Variants in CPS1 observed in about 807,000 individuals in gnomAD.
The protein encoded by CPS1 is carbamoyl-phosphate synthase 1.
CPS1 carries 109 observed loss-of-function variants against 174.6 expected under a neutral mutation model. The ratio of observed to expected loss-of-function variants is 0.62; its 90% CI spans 0.53 to 0.73. CPS1 has a LOEUF of 0.73. CPS1 is among the 30% of genes least tolerant of loss of function. The pLI is 0.00. For synonymous variants in CPS1, 637 were observed against 632.0 expected, an observed-to-expected ratio of 1.01 and a Z score of -0.12; for missense variants, 1,689 against 1,821.9, an observed-to-expected ratio of 0.93 and a Z score of 1.33.
chr2:210,648,568 A>T, intron 27 of CPS1, 28 bp downstream of exon 27: 2 of 1,579,476 alleles, frequency 1.3e-6, no homozygotes, highest in Non-Finnish European at 1.7e-6. Context: ...TTTCCAAAAC[A>T]ATGATTCAAA....
intron 6 of CPS1, among the ~76,000 whole-genome samples, chr2:210,584,182 C>G (rs188111887): frequency 2.1e-4 from 32 of 152,228 alleles, no homozygotes; most frequent in Non-Finnish European, 1.9e-4. Context: ...TAGAGCTTCT[C>G]TTTCCTAGGA....
intron 1 of CPS1, among the ~76,000 whole-genome samples, chr2:210,538,512 A>G (rs1696317921): frequency 1.3e-5 from 2 of 152,038 alleles, no homozygotes; most frequent in African/African-American, 4.8e-5. Flanking sequence ...TCTTTTTTAA[A>G]TAGAAATTAT....
At chr2:210,548,365 C>T (rs1696619061) in intron 1 of CPS1, among the ~76,000 whole-genome samples, 1 of 151,940 alleles carries the variant, frequency 6.6e-6, no homozygotes, top group South Asian at 2.1e-4. Context: ...TTTTAGTTTA[C>T]AAGATGTTCA....
intron 14 of CPS1, among the ~76,000 whole-genome samples, 169 bp downstream of exon 14, chr2:210,599,730 C>T (rs1248704907): frequency 6.6e-6 from 1 of 151,932 alleles, no homozygotes. Context: ...ATGATGAATA[C>T]TACTAGTTAA....
intron 11 of CPS1, chr2:210,593,286 C>T (rs1204539929): frequency 2.0e-6 from 2 of 1,008,440 alleles, no homozygotes; most frequent in Non-Finnish European, 2.5e-6. Flanking sequence ...CTCTCGTTCT[C>T]ATGACTGAAA....
intron 1 of CPS1, among the ~76,000 whole-genome samples, chr2:210,510,468 GCAAGGGC>G (rs1695432326): frequency 6.6e-6 from 1 of 152,106 alleles, no homozygotes; most frequent in Non-Finnish European, 1.5e-5. Flanking sequence ...ATAGGCATGG[GCAAGGGC>G]AAGGACTTCA....
chr2:210,554,153 A>G (rs950483825), upstream of CPS1, among the ~76,000 whole-genome samples: 2 of 136,712 alleles, frequency 1.5e-5, no homozygotes, highest in Admixed American at 7.7e-5. Context: ...ATGTATATAT[A>G]CACACACATA....
chr2:210,592,492 T>C (rs528099804), intron 10 of CPS1, among the ~76,000 whole-genome samples: 1 of 152,142 alleles, frequency 6.6e-6, no homozygotes, highest in Non-Finnish European at 1.5e-5. Flanking sequence ...TGGGACTTAC[T>C]TGGCACTGGT....
intron 1 of CPS1, among the ~76,000 whole-genome samples, chr2:210,518,416 C>G (rs186463238): frequency 6.6e-6 from 1 of 151,962 alleles, no homozygotes; most frequent in Non-Finnish European, 1.5e-5. Flanking sequence ...CCCAACCATT[C>G]TTGTAGATAG....
chr2:210,559,129 T>G (rs995220576), intron 1 of CPS1, among the ~76,000 whole-genome samples: 6 of 152,076 alleles, frequency 3.9e-5, no homozygotes, highest in Non-Finnish European at 1.5e-5. Flanking sequence ...TATATCCAAA[T>G]TTACTATTTT....
intron 1 of CPS1, among the ~76,000 whole-genome samples, chr2:210,512,819 G>T (rs111155984): frequency 0.016 from 1,715 of 104,762 alleles, 217 homozygotes; most frequent in African/African-American, 0.049. Flanking sequence ...GAGAGAGAGA[G>T]ATATATATAT....
chr2:210,642,859 C>T (rs1337791888), intron 25 of CPS1, among the ~76,000 whole-genome samples, 194 bp downstream of exon 25: 1 of 152,116 alleles, frequency 6.6e-6, no homozygotes, highest in Non-Finnish European at 1.5e-5. Flanking sequence ...TTTTGAGCCC[C>T]TGGCCCAGAG....
Position 210,573,687 on chromosome 2 carries a change from G to T in CPS1, c.236+280G>T, listed in dbSNP as rs1192424438. Among the ~76,000 whole-genome samples the T allele has an allele frequency of 3.3e-5, 5 of 152,136 alleles. No individual in the cohort carries two copies. The East Asian group carries it at 7.7e-4, about 24-fold the overall frequency. ...AGAAACTTAGGTTGTGAGGACACAG[G>T]TTATGTGAGATTACCAAATGGTTTC... On this transcript the variant is annotated intron_variant, in intron 2 of 37. Coordinates refer to ENST00000233072, the MANE Select transcript of CPS1 (RefSeq NM_001875.5).
rs182152897 is a variant in CPS1 at position 210,524,077 on chromosome 2, G to A, written c.4-32642G>A. On this transcript the variant is annotated intron_variant, in intron 1 of 38. Coordinates refer to the CPS1 transcript ENST00000430249. ...CACCTACCAGAACAGCTGTCAGAAC[G>A]CAGGCACTCAATGAACATAACTTCC... Among the ~76,000 whole-genome samples, 27 of 152,048 alleles carry A rather than the reference G, an allele frequency of 1.8e-4. No homozygotes were observed. In the East Asian group the frequency reaches 2.3e-3, roughly 13 times the overall value.
rs77931588 is a variant in CPS1 at position 210,637,941 on chromosome 2, G to A, written c.2829+98G>A. 3.7e-6 allele frequency: 5 copies of A among 1,363,126 alleles called. No homozygotes were observed. In the African/African-American group the frequency reaches 7.1e-5, roughly 19 times the overall value. The allele number at this position is 1,363,126 out of a possible 1,614,324, so 84.4% of individuals were successfully genotyped here. A position where few individuals can be genotyped will look rare whatever the true frequency, so the allele number is the denominator to read the frequency against. ...AAGGCCATTGTTAATAAAAAGAGGA[G>A]TGGAATTAAGAAGTGACAATACTCA... On this transcript the variant is annotated intron_variant, in intron 22 of 37. Transcript: ENST00000233072.
At chr2:210,663,056 C>G in intron 32 of CPS1, 67 bp from the exon 33 acceptor site, 1 of 1,419,670 alleles carries the variant, frequency 7.0e-7, no homozygotes, top group Non-Finnish European at 9.9e-7. Flanking sequence ...ATATATTTAT[C>G]CTCTCTTATT....
intron 33 of CPS1, among the ~76,000 whole-genome samples, chr2:210,667,598 G>A (rs1238853783): frequency 2.6e-5 from 4 of 152,028 alleles, no homozygotes; most frequent in African/African-American, 7.2e-5. Flanking sequence ...AGGATATTTT[G>A]TTTCACTTTA....
intron 1 of CPS1, among the ~76,000 whole-genome samples, chr2:210,549,106 C>T (rs867336324): frequency 1.3e-5 from 2 of 152,038 alleles, no homozygotes; most frequent in East Asian, 1.9e-4. Context: ...GCACCACATG[C>T]TTCTCTGTGA....
At chr2:210,514,667 A>T (rs902761336) in intron 1 of CPS1, among the ~76,000 whole-genome samples, 1 of 151,604 alleles carries the variant, frequency 6.6e-6, no homozygotes, top group East Asian at 1.9e-4. Context: ...GATGCCTTTT[A>T]TTTCCTTATC....
Sources: gnomAD v4.1 joint callset for allele counts (sites outside exome capture counted in the v4.1 genomes callset) on GRCh38, gnomAD v4.1.1 for gene constraint, MANE v1.5 for transcripts, NCBI Gene and HGNC (gene_info 2026-07-23, HGNC 2026-07-21) for gene names.